Variants in EVA1C observed in about 807,000 individuals in gnomAD.
EVA1C encodes eva-1 homolog C.
EVA1C carries 25 observed loss-of-function variants against 45.4 expected under a neutral mutation model. The observed-to-expected ratio is 0.55, with a 90% CI of 0.40 to 0.77. The LOEUF (loss-of-function observed/expected upper bound fraction) is 0.77, where lower values mean the gene tolerates loss of function less well. EVA1C is among the 30% of genes least tolerant of loss of function. The probability of loss-of-function intolerance (pLI) is 0.00; values close to 1 mark genes in which losing one functional copy is unlikely to be tolerated. For missense variants in EVA1C, 479 were observed against 554.8 expected, an observed-to-expected ratio of 0.86 and a Z score of 1.37; for synonymous variants, 190 against 221.2, an observed-to-expected ratio of 0.86 and a Z score of 1.25.
chr21:32,442,662 A>AT (rs1353495876), intron 1 of EVA1C, among the ~76,000 whole-genome samples: 1 of 136,952 alleles, frequency 7.3e-6, no homozygotes, highest in Non-Finnish European at 1.5e-5. Context: ...GTGGCAGGTT[A>AT]TAAAAAAAAA....
chr21:32,507,697 C>T lies in EVA1C; in HGVS notation c.949+3682C>T, dbSNP rs184794389. Reference sequence around the variant, plus strand: ...GTGTATCTGTGTGCATGTGTGCATGCGTATGTGCACGTGTGTGTGCATGTG... The same window carrying T: ...GTGTATCTGTGTGCATGTGTGCATGTGTATGTGCACGTGTGTGTGCATGTG... On this transcript the variant is annotated intron_variant, in intron 7 of 7. Transcript: ENST00000300255. 5.9e-3 allele frequency among the ~76,000 whole-genome samples: 828 copies of T among 139,740 alleles called. 8 individuals are homozygous for T. Among genetic ancestry groups the T allele is most frequent in the African/African-American group, 0.021 (784 of 37,982 alleles). 91.7% of individuals were successfully genotyped at this position (139,740 alleles called of 152,430 possible). A position where few individuals can be genotyped will look rare whatever the true frequency, so the allele number is the denominator to read the frequency against.
intron 3 of EVA1C, among the ~76,000 whole-genome samples, chr21:32,462,674 A>G (rs1394745185): frequency 1.3e-5 from 2 of 152,216 alleles, no homozygotes; most frequent in African/African-American, 4.8e-5. Flanking sequence ...GTTTACTGGA[A>G]TGAGGGCAAG....
intron 1 of EVA1C, among the ~76,000 whole-genome samples, chr21:32,428,858 A>G (rs997385381): frequency 2.0e-5 from 3 of 152,216 alleles, no homozygotes; most frequent in Admixed American, 1.3e-4. Flanking sequence ...AGGAATGAGC[A>G]TTATCTCACA....
upstream of EVA1C, chr21:32,412,614 A>C (rs1433454545): frequency 1.3e-5 from 5 of 392,398 alleles, no homozygotes; most frequent in Non-Finnish European, 2.2e-5. Context: ...CCTCTCGGGG[A>C]AACTACGCGG....
At chr21:32,487,570 A>C (rs2037012864) in intron 4 of EVA1C, among the ~76,000 whole-genome samples, 1 of 152,056 alleles carries the variant, frequency 6.6e-6, no homozygotes, top group Non-Finnish European at 1.5e-5. Flanking sequence ...AAATACAAAA[A>C]ATTAGCTGGG....
At chr21:32,462,682 A>G (rs1001440484) in intron 3 of EVA1C, among the ~76,000 whole-genome samples, 1 of 152,210 alleles carries the variant, frequency 6.6e-6, no homozygotes, top group African/African-American at 2.4e-5. Flanking sequence ...GAATGAGGGC[A>G]AGGAACACCT....
intron 4 of EVA1C, among the ~76,000 whole-genome samples, chr21:32,486,588 C>A (rs1381577856): frequency 6.6e-6 from 1 of 152,168 alleles, no homozygotes; most frequent in Non-Finnish European, 1.5e-5. Context: ...TCCTTGCTGC[C>A]AACATCTGTG....
At chr21:32,448,800 T>C (rs112583497) in intron 1 of EVA1C, among the ~76,000 whole-genome samples, 10,740 of 151,488 alleles carry the variant, frequency 0.071, 721 homozygotes, top group African/African-American at 0.17. Flanking sequence ...TCCTAGCTAC[T>C]TGGGAGGCTG....
chr21:32,448,846 T>C (rs1454212247), intron 1 of EVA1C, among the ~76,000 whole-genome samples: 1 of 145,896 alleles, frequency 6.9e-6, no homozygotes, highest in East Asian at 2.0e-4. Flanking sequence ...GAGGTGGAGG[T>C]TGCAGTGGGC....
At chr21:32,510,486 T>C (rs1472031855) in intron 7 of EVA1C, among the ~76,000 whole-genome samples, 1 of 152,224 alleles carries the variant, frequency 6.6e-6, no homozygotes, top group Non-Finnish European at 1.5e-5. Context: ...GCAGGAAAGA[T>C]GGTTTATATA....
intron 5 of EVA1C, among the ~76,000 whole-genome samples, chr21:32,496,011 A>G (rs1241421405): frequency 6.6e-6 from 1 of 152,204 alleles, no homozygotes; most frequent in Non-Finnish European, 1.5e-5. Flanking sequence ...AGAGCATACA[A>G]TTCACCTGTT....
Position 32,495,043 on chromosome 21 carries a change from A to T in EVA1C, c.651A>T (p.Ser217=). 2 of 1,614,128 alleles carry T rather than the reference A, an allele frequency of 1.2e-6. No individual in the cohort carries two copies. The highest frequency in any genetic ancestry group is 2.7e-5 in the African/African-American group (2 of 75,050). ...GCCTTTCAGATTGCTTGTCTTACTC[A>T]GCTTTGCAAGTCCTATCCCGAAGGT... ...RLPPFDCLSY[S]ALQVLSRRCY... The change falls in exon 5 of 8, where the codon TCA becomes TCT. Residue 217 remains serine, a synonymous_variant. Coordinates refer to ENST00000300255, the MANE Select transcript of EVA1C (RefSeq NM_058187.5).
chr21:32,454,462 G>A (rs923637203), intron 2 of EVA1C, among the ~76,000 whole-genome samples: 1 of 152,112 alleles, frequency 6.6e-6, no homozygotes, highest in Non-Finnish European at 1.5e-5. Context: ...TTTGGTATAG[G>A]AGAAGGTCAA....
At chr21:32,431,410 G>A (rs1241396568) in intron 1 of EVA1C, among the ~76,000 whole-genome samples, 1 of 152,204 alleles carries the variant, frequency 6.6e-6, no homozygotes, top group African/African-American at 2.4e-5. Flanking sequence ...GTCACCCAAC[G>A]ACACTAAGGG....
chr21:32,430,749 G>T (rs1325857977), intron 1 of EVA1C, among the ~76,000 whole-genome samples: 1 of 152,052 alleles, frequency 6.6e-6, no homozygotes, highest in Non-Finnish European at 1.5e-5. Context: ...AAGGCGGGTG[G>T]ATCACCTGAG....
intron 1 of EVA1C, among the ~76,000 whole-genome samples, chr21:32,432,289 A>G (rs1373621197): frequency 6.6e-6 from 1 of 151,948 alleles, no homozygotes; most frequent in Non-Finnish European, 1.5e-5. Context: ...ATTGCTTTAT[A>G]TTGCAGAAGC....
intron 5 of EVA1C, among the ~76,000 whole-genome samples, chr21:32,499,709 T>C (rs183262505): frequency 1.5e-4 from 23 of 152,368 alleles, no homozygotes; most frequent in South Asian, 1.2e-3. Flanking sequence ...TTGCTACTTC[T>C]CTGAGATCTC....
rs536501575 is a variant in EVA1C, at chr21:32,462,495, C to T, written c.481+4775C>T. On this transcript the variant is annotated intron_variant, in intron 3 of 7. Coordinates refer to ENST00000300255, the MANE Select transcript of EVA1C (RefSeq NM_058187.5). ...AATGTCAGTAATAAAATACTCCCAT[C>T]GCGGCAGATCCTTCCTCTGCCCACC... Among the ~76,000 whole-genome samples the T allele has an allele frequency of 1.4e-4, 21 of 152,370 alleles. No homozygotes were observed. The East Asian group carries it at 2.3e-3, about 17-fold the overall frequency.
At chr21:32,461,402 C>T (rs963811358) in intron 3 of EVA1C, among the ~76,000 whole-genome samples, 4 of 152,222 alleles carry the variant, frequency 2.6e-5, no homozygotes, top group Non-Finnish European at 4.4e-5. Flanking sequence ...CCTGTGTAAC[C>T]TGAACACCAG....
Sources: gnomAD v4.1 joint callset for allele counts (sites outside exome capture counted in the v4.1 genomes callset) on GRCh38, gnomAD v4.1.1 for gene constraint, MANE v1.5 for transcripts, NCBI Gene and HGNC (gene_info 2026-07-23, HGNC 2026-07-21) for gene names.